DNAH1: variants seen among roughly 807,000 people sequenced by gnomAD.
DNAH1 encodes the protein axonemal beta dynein heavy chain 1.
Under a neutral mutation model 484.3 loss-of-function variants are expected in DNAH1, and 327 were observed. That is an observed-to-expected ratio of 0.68 (90% CI 0.62 to 0.74). The LOEUF (loss-of-function observed/expected upper bound fraction) is 0.74, where lower values mean the gene tolerates loss of function less well. Among genes scored for constraint, DNAH1 ranks in the 30% least tolerant of loss-of-function variants. DNAH1 has a pLI of 0.00. For synonymous variants in DNAH1, 2,192 were observed against 2,191.9 expected (o/e 1.00, Z 0.00); for missense variants, 5,052 against 5,546.8 (o/e 0.91, Z 2.83).
At chr3:52,366,570 A>G in intron 35 of DNAH1, 22 bp downstream of exon 35, 1 of 1,577,084 alleles carries the variant, frequency 6.3e-7, no homozygotes, top group Non-Finnish European at 8.6e-7. Flanking sequence ...CAAGCTTGGC[A>G]GCCAGTGTCC....
chr3:52,346,935 C>T (rs569394653), intron 11 of DNAH1, among the ~76,000 whole-genome samples, 165 bp downstream of exon 11: 144 of 152,288 alleles, frequency 9.5e-4, no homozygotes, highest in African/African-American at 3.3e-3. Flanking sequence ...TCCTGCCAGC[C>T]CTGGCTTGCA....
In DNAH1 at chr3:52,383,572, A is replaced by G. The variant is rs1398640160; in HGVS notation, c.8128A>G (p.Ile2710Val). 1 of 1,599,488 alleles carries G rather than the reference A, an allele frequency of 6.3e-7. No individual in the cohort carries two copies. Among genetic ancestry groups the G allele is most frequent in the South Asian group, 1.1e-5 (1 of 88,942 alleles). ...TTACACAGGGCGTGTGCGCAGCAAC[A>G]TCCACATGGTGCTGTGCATGAGGTA... ...AAYTGRVRSN[I>V]HMVLCMSPIG... The change falls in exon 51 of 78, where the codon ATC becomes GTC. Residue 2710 changes from isoleucine to valine, a missense_variant. Physicochemically the swap from Ile to Val is conservative, Grantham distance 29 (BLOSUM62 3). This residue lies in a region of DNAH1 where 2,929 missense variants were observed against 3,409.4 expected (regional missense o/e 0.86). Transcript: ENST00000420323.
chr3:52,359,413 T>A, intron 26 of DNAH1, 27 bp downstream of exon 26: 1 of 1,560,788 alleles, frequency 6.4e-7, no homozygotes, highest in Non-Finnish European at 8.7e-7. Flanking sequence ...CCCCTGTCTG[T>A]CCCCCTCCAC....
intron 41 of DNAH1, 126 bp from the exon 42 acceptor site, chr3:52,371,820 C>T (rs1470634800): frequency 2.1e-6 from 3 of 1,406,088 alleles, no homozygotes; most frequent in East Asian, 2.3e-5. Context: ...CAGCCCTGCA[C>T]CTGGACCCGC....
Position 52,372,352 on chromosome 3 carries a change from G to T in DNAH1, c.6792G>T (p.Gln2264His). The change falls in exon 43 of 78, where the codon CAG (glutamine) becomes CAT (histidine). Residue 2264 changes from glutamine (Q) to histidine (H), a missense_variant. Gln to His is a conservative substitution (Grantham distance 24). Around this residue, in one of 4 missense-constraint regions of DNAH1, gnomAD observed 2,929 missense variants for 3,409.4 expected, o/e 0.86. Coordinates refer to ENST00000420323, the MANE Select transcript of DNAH1 (RefSeq NM_015512.5). ...TCTCAGCCCGCACTTCAGCCAACCAGACCCAGGACTTCATTGACAGCAAGC... is the reference window on the plus strand; with the variant it reads ...TCTCAGCCCGCACTTCAGCCAACCATACCCAGGACTTCATTGACAGCAAGC... Reference protein sequence around the residue: ...LTFSARTSANQTQDFIDSKLD... With the variant: ...LTFSARTSANHTQDFIDSKLD... 1 of 1,613,930 alleles carries T rather than the reference G, an allele frequency of 6.2e-7. No homozygotes were observed. Among genetic ancestry groups the T allele is most frequent in the East Asian group, 2.2e-5 (1 of 44,876 alleles).
intron 8 of DNAH1, among the ~76,000 whole-genome samples, chr3:52,334,651 A>G (rs183166652): frequency 1.9e-3 from 289 of 151,944 alleles, no homozygotes; most frequent in African/African-American, 6.7e-3. Context: ...AAATTAGCTG[A>G]GCGTGGTGGC....
intron 66 of DNAH1, 66 bp downstream of exon 66, chr3:52,393,551 G>C: frequency 1.3e-6 from 2 of 1,590,546 alleles, no homozygotes; most frequent in Non-Finnish European, 1.7e-6. Flanking sequence ...CTGAGAACAG[G>C]GTGGAAGGAA....
At chr3:52,352,522 G>C in intron 17 of DNAH1, 30 bp from the exon 18 acceptor site, 2 of 1,594,948 alleles carry the variant, frequency 1.3e-6, no homozygotes, top group Non-Finnish European at 1.7e-6. Flanking sequence ...GGCTGCAGGG[G>C]CATCTGACCC....
chr3:52,326,172 G>A lies in DNAH1; in HGVS notation c.439G>A (p.Glu147Lys). 6.2e-7 allele frequency: 1 copy of A among 1,611,816 alleles called. No individual in the cohort carries two copies. ...CTTTGAGGTTCCTGAAGACTTCCAG[G>A]AGCGCATGGAGCAGCAGTGCATCGG... is the stretch of plus-strand genomic sequence containing the variant. ...GSFEVPEDFQ[E>K]RMEQQCIGST... Residue 147 changes from glutamate to lysine, a missense_variant, in exon 4 of 78, where the codon GAG (glutamate) becomes AAG (lysine). This residue lies in a region of DNAH1 where 1,263 missense variants were observed against 1,218.8 expected (regional missense o/e 1.04). Transcript: ENST00000420323.
At chr3:52,383,835 C>G (rs1471000916) in intron 51 of DNAH1, 25 bp from the exon 52 acceptor site, 2 of 1,568,184 alleles carry the variant, frequency 1.3e-6, no homozygotes, top group Admixed American at 3.6e-5. Flanking sequence ...GTCTCTGGAC[C>G]TCATTTGGAT....
rs1704483390 is a variant in DNAH1, at chr3:52,393,407, C to T, written c.10548C>T (p.Ser3516=). The part of the protein sequence containing the change: ...TYSLYSNVCR[S]LFEKHKLMFA... Reference sequence around the variant, plus strand: ...GCCTCTACAGCAACGTCTGCCGCAGCCTCTTTGAGAAGCACAAGCTGATGT... The same window carrying T: ...GCCTCTACAGCAACGTCTGCCGCAGTCTCTTTGAGAAGCACAAGCTGATGT... Residue 3516 remains serine (S), a synonymous_variant, in exon 66 of 78, where the codon AGC becomes AGT. Transcript: ENST00000420323. 1 of 1,614,068 alleles carries T rather than the reference C, an allele frequency of 6.2e-7. No individual in the cohort carries two copies. Among genetic ancestry groups the T allele is most frequent in the Non-Finnish European group, 8.5e-7 (1 of 1,179,904 alleles).
chr3:52,322,320 T>C (rs1701176610), intron 1 of DNAH1, 89 bp from the exon 2 acceptor site: 4 of 854,332 alleles, frequency 4.7e-6, no homozygotes, highest in Non-Finnish European at 7.2e-6. Flanking sequence ...GGCTGGGGCT[T>C]GTGGCAGGCA....
intron 14 of DNAH1, 50 bp downstream of exon 14, chr3:52,349,470 G>A: frequency 6.5e-7 from 1 of 1,539,698 alleles, no homozygotes; most frequent in Non-Finnish European, 9.0e-7. Flanking sequence ...ACACACCACA[G>A]CAGCACACAC....
intron 22 of DNAH1, among the ~76,000 whole-genome samples, chr3:52,357,109 A>G (rs1034755147): frequency 2.8e-5 from 4 of 143,672 alleles, no homozygotes; most frequent in African/African-American, 1.0e-4. Context: ...ATCTCGGCTC[A>G]CTGCAACCTT....
chr3:52,341,581 G>A (rs1364295777), intron 8 of DNAH1, among the ~76,000 whole-genome samples: 1 of 145,568 alleles, frequency 6.9e-6, no homozygotes, highest in Non-Finnish European at 1.5e-5. Context: ...CTGTCCCCCA[G>A]GCTAGAGTGC....
At chr3:52,372,803 C>T in intron 43 of DNAH1, 93 bp from the exon 44 acceptor site, 1 of 1,501,556 alleles carries the variant, frequency 6.7e-7, no homozygotes, top group East Asian at 2.3e-5. Context: ...TTAGCAAGGG[C>T]TTCCCAGAGG....
rs945080595 is a variant in DNAH1 at position 52,389,685 on chromosome 3, C to T, written c.9621+99C>T. 1.0e-5 allele frequency: 13 copies of T among 1,238,674 alleles called. No individual in the cohort carries two copies. The African/African-American group carries it at 1.4e-4, about 13-fold the overall frequency. The allele number at this position is 1,238,674 out of a possible 1,614,324, so 76.7% of individuals were successfully genotyped here. On this transcript the variant is annotated intron_variant, in intron 60 of 77. Coordinates refer to ENST00000420323, the MANE Select transcript of DNAH1 (RefSeq NM_015512.5). Reference sequence around the variant, plus strand: ...CTCCTTCCTACCCTGCTTTCCAGGGCCTGGCTCGGAGCTGCCTCTGCTGAA... The same window carrying T: ...CTCCTTCCTACCCTGCTTTCCAGGGTCTGGCTCGGAGCTGCCTCTGCTGAA...
At chr3:52,350,696 T>G (rs1277387498) in intron 16 of DNAH1, 106 bp downstream of exon 16, 2 of 1,072,570 alleles carry the variant, frequency 1.9e-6, no homozygotes, top group African/African-American at 3.1e-5. Context: ...CTGTGCAATC[T>G]CCCCAGAAAC....
intron 56 of DNAH1, among the ~76,000 whole-genome samples, chr3:52,387,597 A>C (rs1390811866): frequency 6.6e-6 from 1 of 152,208 alleles, no homozygotes; most frequent in Admixed American, 6.5e-5. Context: ...TAGAGGCCCC[A>C]CAGGCCTAAT....
Sources: allele counts gnomAD v4.1 joint callset (sites outside exome capture counted in the v4.1 genomes callset), GRCh38; gene constraint gnomAD v4.1.1; regional missense constraint gnomAD v4.1.1; transcripts MANE v1.5; gene names NCBI Gene and HGNC (gene_info 2026-07-23, HGNC 2026-07-21).